The following WDPCP variants were observed in gnomAD, a reference collection of about 807,000 sequenced individuals.
The protein encoded by WDPCP is WD repeat-containing and planar cell polarity effector protein fritz homolog.
A neutral mutation model predicts 93.1 loss-of-function variants in WDPCP; 71 were observed. That is an observed-to-expected ratio of 0.76 (90% confidence interval 0.63 to 0.93). WDPCP has a LOEUF of 0.93. WDPCP is among the 40% of genes least tolerant of loss of function. The pLI, the probability that WDPCP is intolerant of heterozygous loss-of-function variation, is 0.00. For synonymous variants in WDPCP, 315 were observed against 315.0 expected (o/e 1.00, Z 0.00); for missense variants, 844 against 887.4 (o/e 0.95, Z 0.62).
intron 15 of WDPCP, among the ~76,000 whole-genome samples, chr2:63,157,467 T>A (rs923939923): frequency 6.6e-6 from 1 of 152,168 alleles, no homozygotes; most frequent in Non-Finnish European, 1.5e-5. Context: ...ATTGCTAGTA[T>A]ATTTTTCTCT....
At position 63,588,407 on chromosome 2, in the gene WDPCP, GC is replaced by G; in HGVS notation, c.-137del. ...CAGTTTCCTCAGGTGCTACAAAGCA[GC>G]CAGGGTGTGCGTGCGCTCCCGCCTC... On this transcript the variant is annotated 5_prime_UTR_variant, in exon 1 of 18. Coordinates refer to ENST00000272321, the MANE Select transcript of WDPCP (RefSeq NM_015910.7). 9.8e-7 allele frequency: 1 copy of G among 1,024,610 alleles called. No homozygotes were observed. The highest frequency in any genetic ancestry group is 1.5e-6 in the Non-Finnish European group (1 of 667,216). The allele number at this position is 1,024,610 out of a possible 1,614,324, so 63.5% of individuals were successfully genotyped here. A position where few individuals can be genotyped will look rare whatever the true frequency, so the allele number is the denominator to read the frequency against.
At chr2:63,790,204 G>A (rs956604970) in intron 2 of WDPCP, among the ~76,000 whole-genome samples, 1 of 152,230 alleles carries the variant, frequency 6.6e-6, no homozygotes, top group Non-Finnish European at 1.5e-5. Flanking sequence ...CCTGATGGGA[G>A]AGATGGGGTA....
chr2:63,404,175 G>C lies in WDPCP; in HGVS notation c.1308C>G (p.Ser436Arg), dbSNP rs1354054730. The C allele has an allele frequency of 1.2e-6, 2 of 1,614,086 alleles. No individual in the cohort carries two copies. Among genetic ancestry groups the C allele is most frequent in the East Asian group, 4.5e-5 (2 of 44,880 alleles). The change falls in exon 10 of 18, where the codon AGC becomes AGG. Residue 436 changes from serine to arginine, a missense_variant. Ser to Arg is a moderately radical substitution (Grantham distance 110, BLOSUM62 -1). Transcript: ENST00000272321. ...LQFSKLFDAS[S>R]SLVQMQWIAP... ...CTATCCATTGCATTTGAACAAGACT[G>C]CTGGAGGCATCAAATAATTTACTGA...
intron 1 of WDPCP, among the ~76,000 whole-genome samples, chr2:63,540,758 G>C (rs1474404479): frequency 6.6e-6 from 1 of 151,908 alleles, no homozygotes; most frequent in East Asian, 1.9e-4. Flanking sequence ...TTGTTTGTTT[G>C]TTTGTTTGTT....
chr2:63,684,244 T>C (rs1668774285), intron 2 of WDPCP: 2 of 463,788 alleles, frequency 4.3e-6, no homozygotes, highest in African/African-American at 2.0e-5. Flanking sequence ...CTTAAAACAT[T>C]CAAAAAATTG....
At chr2:63,766,433 G>A (rs1340704251) in intron 2 of WDPCP, among the ~76,000 whole-genome samples, 1 of 151,466 alleles carries the variant, frequency 6.6e-6, no homozygotes, top group East Asian at 1.9e-4. Context: ...GGGTTCAAAC[G>A]ATTCTTCCAC....
chr2:63,401,485 G>T (rs1694148558), intron 10 of WDPCP, among the ~76,000 whole-genome samples: 1 of 152,112 alleles, frequency 6.6e-6, no homozygotes, highest in African/African-American at 2.4e-5. Context: ...TATTTACAAA[G>T]TCAAGAGGCC....
chr2:63,544,829 T>C (rs1705015175), intron 1 of WDPCP, among the ~76,000 whole-genome samples: 1 of 152,188 alleles, frequency 6.6e-6, no homozygotes, highest in African/African-American at 2.4e-5. Context: ...AATGTGCATC[T>C]GTGAATGATA....
intron 1 of WDPCP, among the ~76,000 whole-genome samples, chr2:63,505,135 A>G (rs1029026392): frequency 2.0e-4 from 30 of 152,092 alleles, no homozygotes; most frequent in African/African-American, 6.8e-4. Flanking sequence ...GTCACAATTT[A>G]TAAGAATTCT....
At chr2:63,376,964 G>T (rs1381932632) in intron 12 of WDPCP, among the ~76,000 whole-genome samples, 1 of 151,752 alleles carries the variant, frequency 6.6e-6, no homozygotes, top group African/African-American at 2.4e-5. Flanking sequence ...CTCAAATCTT[G>T]ACCAATCTGA....
At chr2:63,769,175 G>T (rs1670189045) in intron 2 of WDPCP, among the ~76,000 whole-genome samples, 1 of 151,872 alleles carries the variant, frequency 6.6e-6, no homozygotes, top group South Asian at 2.1e-4. Flanking sequence ...ATAGCTCAAG[G>T]TTGTTGGGGA....
intron 2 of WDPCP, among the ~76,000 whole-genome samples, chr2:63,683,955 G>A (rs1001991554): frequency 6.6e-6 from 1 of 152,044 alleles, no homozygotes; most frequent in African/African-American, 2.4e-5. Context: ...CAACACTGCA[G>A]CATCCAGATA....
chr2:63,231,717 G>A (rs1379806538), intron 14 of WDPCP, among the ~76,000 whole-genome samples: 1 of 152,146 alleles, frequency 6.6e-6, no homozygotes, highest in Non-Finnish European at 1.5e-5. Flanking sequence ...CATGCTCATG[G>A]ATAGGAAGAA....
At chr2:63,315,150 C>G (rs913899582) in intron 12 of WDPCP, among the ~76,000 whole-genome samples, 1 of 151,944 alleles carries the variant, frequency 6.6e-6, no homozygotes, top group Non-Finnish European at 1.5e-5. Context: ...AAAAAATAAC[C>G]AATTAAACAA....
At chr2:63,684,586 T>C in intron 2 of WDPCP, 2 of 717,160 alleles carry the variant, frequency 2.8e-6, no homozygotes, top group Admixed American at 1.8e-5. Flanking sequence ...TGAACAAAAC[T>C]GTCATCAGTA....
intron 2 of WDPCP, among the ~76,000 whole-genome samples, chr2:63,695,358 A>T (rs1365003024): frequency 6.6e-6 from 1 of 152,202 alleles, no homozygotes; most frequent in East Asian, 1.9e-4. Flanking sequence ...TATTTAGAAG[A>T]TTTAAGATTA....
chr2:63,695,690 T>C (rs1262360694), intron 2 of WDPCP, among the ~76,000 whole-genome samples: 1 of 152,144 alleles, frequency 6.6e-6, no homozygotes, highest in Admixed American at 6.5e-5. Context: ...TATAGTTCAT[T>C]GAACTTTCAC....
At chr2:63,562,320 G>A (rs530680295) in intron 1 of WDPCP, among the ~76,000 whole-genome samples, 8 of 152,234 alleles carry the variant, frequency 5.3e-5, no homozygotes, top group South Asian at 2.1e-4. Flanking sequence ...GCTGAACAAT[G>A]AGAACACATG....
intron 1 of WDPCP, among the ~76,000 whole-genome samples, chr2:63,817,329 C>T (rs766160246): frequency 6.6e-6 from 1 of 152,088 alleles, no homozygotes; most frequent in Non-Finnish European, 1.5e-5. Flanking sequence ...AGGCTGGTCT[C>T]GAACTCCTGA....
Sources: allele counts gnomAD v4.1 joint callset (sites outside exome capture counted in the v4.1 genomes callset), GRCh38; gene constraint gnomAD v4.1.1; transcripts MANE v1.5; gene names NCBI Gene and HGNC (gene_info 2026-07-23, HGNC 2026-07-21).